The following PTK2B variants were observed in gnomAD, a reference collection of about 807,000 sequenced individuals.
PTK2B encodes the protein protein-tyrosine kinase 2-beta.
PTK2B carries 71 observed loss-of-function variants against 142.9 expected under a neutral mutation model. The observed-to-expected ratio is 0.50, with a 90% confidence interval of 0.41 to 0.61. The LOEUF (loss-of-function observed/expected upper bound fraction) is 0.61, where lower values mean the gene tolerates loss of function less well. Ranked by LOEUF, PTK2B falls within the 20% of genes least tolerant of loss-of-function variation. The pLI, the probability that PTK2B is intolerant of heterozygous loss-of-function variation, is 0.00. For synonymous variants in PTK2B, 519 were observed against 503.4 expected (o/e 1.03, Z -0.42); for missense variants, 1,105 against 1,320.4 (o/e 0.84, Z 2.53).
chr8:27,419,252 T>C (rs880992), intron 2 of PTK2B, among the ~76,000 whole-genome samples: 124,535 of 152,178 alleles, frequency 0.82, 51,481 homozygotes, highest in Middle Eastern at 0.95. Context: ...TCTTGTGTCC[T>C]TGCTCATGTG....
At chr8:27,406,646 T>C (rs147754404) in intron 2 of PTK2B, among the ~76,000 whole-genome samples, 350 of 152,270 alleles carry the variant, frequency 2.3e-3, no homozygotes, top group Non-Finnish European at 4.1e-3. Context: ...GTCATGGTTC[T>C]CACGATGATT....
intron 30 of PTK2B, among the ~76,000 whole-genome samples, chr8:27,456,612 G>C (rs965893659): frequency 2.7e-4 from 41 of 152,304 alleles, no homozygotes; most frequent in African/African-American, 9.9e-4. Flanking sequence ...CAAGTAAAAG[G>C]AAGGGTCACC....
intron 1 of PTK2B, among the ~76,000 whole-genome samples, chr8:27,381,289 C>T (rs1215304572): frequency 2.6e-5 from 4 of 152,164 alleles, no homozygotes; most frequent in African/African-American, 9.7e-5. Flanking sequence ...CTTAGTCCTC[C>T]TATCTAGCTT....
At chr8:27,371,389 C>T (rs1223000973) in intron 1 of PTK2B, among the ~76,000 whole-genome samples, 1 of 152,180 alleles carries the variant, frequency 6.6e-6, no homozygotes, top group Admixed American at 6.5e-5. Context: ...ATGGGCATAG[C>T]GTGAAGAATG....
At chr8:27,447,606 C>T (rs1256219838) in intron 24 of PTK2B, among the ~76,000 whole-genome samples, 3 of 152,206 alleles carry the variant, frequency 2.0e-5, no homozygotes, top group Non-Finnish European at 4.4e-5. Flanking sequence ...CGCCTGTAAT[C>T]CCAGCATTTT....
chr8:27,440,062 G>A (rs934274400), intron 20 of PTK2B, among the ~76,000 whole-genome samples, 175 bp from the exon 21 acceptor site: 4 of 152,194 alleles, frequency 2.6e-5, no homozygotes, highest in African/African-American at 9.7e-5. Context: ...TGCAGAGGTA[G>A]GTCACTTGTC....
intron 1 of PTK2B, among the ~76,000 whole-genome samples, chr8:27,326,004 T>C (rs1803389343): frequency 6.6e-6 from 1 of 152,128 alleles, no homozygotes; most frequent in African/African-American, 2.4e-5. Context: ...ACAGCCAGGC[T>C]GCTGCCTCTA....
At chr8:27,335,675 GC>G (rs1804017421) in intron 1 of PTK2B, among the ~76,000 whole-genome samples, 1 of 151,824 alleles carries the variant, frequency 6.6e-6, no homozygotes, top group African/African-American at 2.4e-5. Context: ...CTGTGTTCAT[GC>G]CCTGGGGGTC....
chr8:27,341,984 C>A (rs1304976424), intron 1 of PTK2B, among the ~76,000 whole-genome samples: 1 of 152,272 alleles, frequency 6.6e-6, no homozygotes, highest in South Asian at 2.1e-4. Flanking sequence ...GGCTGCAGGG[C>A]TTTCAAACTG....
At chr8:27,335,254 C>T (rs1803989971) in intron 1 of PTK2B, among the ~76,000 whole-genome samples, 2 of 152,188 alleles carry the variant, frequency 1.3e-5, no homozygotes, top group Non-Finnish European at 2.9e-5. Flanking sequence ...GTCACCAGTG[C>T]AGCCTCTGAG....
intron 1 of PTK2B, among the ~76,000 whole-genome samples, chr8:27,383,918 G>A (rs1022728353): frequency 1.3e-5 from 2 of 149,574 alleles, no homozygotes; most frequent in Non-Finnish European, 3.0e-5. Context: ...GTGTGATCTC[G>A]GCTCACCACA....
intron 3 of PTK2B, among the ~76,000 whole-genome samples, chr8:27,315,508 C>T (rs929009386): frequency 2.6e-5 from 4 of 152,114 alleles, no homozygotes; most frequent in Admixed American, 6.5e-5. Flanking sequence ...GAGACTCTTA[C>T]GTCGTCTCAT....
At chr8:27,454,388 C>T in intron 29 of PTK2B, 97 bp downstream of exon 29, 1 of 1,562,748 alleles carries the variant, frequency 6.4e-7, no homozygotes, top group South Asian at 1.2e-5. Context: ...AGCAGATCCT[C>T]TTAGAGCAAG....
intron 2 of PTK2B, among the ~76,000 whole-genome samples, chr8:27,405,566 G>A (rs1293964238): frequency 1.3e-5 from 2 of 152,202 alleles, no homozygotes; most frequent in East Asian, 1.9e-4. Context: ...ATTTAAAAAG[G>A]TATATTCACA....
At position 27,378,386 on chromosome 8, in the gene PTK2B, C is replaced by A. The variant is rs570846094; in HGVS notation, c.-37-19162C>A. Among the ~76,000 whole-genome samples the A allele has an allele frequency of 6.6e-5, 10 of 152,334 alleles. No homozygotes were observed. The East Asian group carries it at 1.9e-3, about 29-fold the overall frequency. ...CAAACAATGAAGAAATAAACCACTT[C>A]AGGAGCTGAACGATCACTTTAAACA... On this transcript the variant is annotated intron_variant, in intron 1 of 30. Coordinates refer to ENST00000346049, the MANE Select transcript of PTK2B (RefSeq NM_173176.3).
At chr8:27,428,235 A>G (rs1276812478) in intron 5 of PTK2B, among the ~76,000 whole-genome samples, 1 of 152,186 alleles carries the variant, frequency 6.6e-6, no homozygotes, top group Non-Finnish European at 1.5e-5. Flanking sequence ...ATAGCAAGTG[A>G]TGGGAGACAG....
rs1879182 is a variant in PTK2B, at chr8:27,458,359, A to G, written c.2880A>G (p.Ala960=). The change falls in exon 31 of 31, where the codon GCA becomes GCG. Residue 960 remains alanine, a synonymous_variant. Transcript: ENST00000346049. ...LAELINKMRL[A]QQNAVTSLSE... ...AGCTCATCAACAAGATGCGGCTGGC[A>G]CAGCAGAACGCCGTGACCTCCCTAA... 1,374,144 of 1,613,444 alleles carry G rather than the reference A, an allele frequency of 0.85. 588,050 individuals carry two copies. The highest frequency in any genetic ancestry group is 0.93 in the Middle Eastern group (5,661 of 6,060).
intron 2 of PTK2B, among the ~76,000 whole-genome samples, chr8:27,408,145 G>A (rs568917910): frequency 2.6e-5 from 4 of 152,194 alleles, no homozygotes; most frequent in Admixed American, 6.5e-5. Flanking sequence ...ACTCTCCCCC[G>A]AGGTGCCATA....
At chr8:27,385,961 G>C (rs973354451) in intron 1 of PTK2B, among the ~76,000 whole-genome samples, 1 of 150,728 alleles carries the variant, frequency 6.6e-6, no homozygotes, top group South Asian at 2.1e-4. Context: ...GAGAGGTCCA[G>C]TTTTTATCCT....
Sources: gnomAD v4.1 joint callset for allele counts (sites outside exome capture counted in the v4.1 genomes callset) on GRCh38, gnomAD v4.1.1 for gene constraint, MANE v1.5 for transcripts, NCBI Gene and HGNC (gene_info 2026-07-23, HGNC 2026-07-21) for gene names.